SCMH1: variants seen among roughly 807,000 people sequenced by gnomAD.
SCMH1 encodes the protein polycomb protein SCMH1.
In SCMH1, 37 loss-of-function variants were observed where a neutral mutation model predicts 70.8. The observed-to-expected ratio is 0.52, with a 90% confidence interval of 0.40 to 0.69. The LOEUF (loss-of-function observed/expected upper bound fraction) is 0.69. Among genes scored for constraint, SCMH1 ranks in the 30% least tolerant of loss-of-function variants. SCMH1 has a pLI of 0.00. For missense variants in SCMH1, 607 were observed against 827.3 expected, an observed-to-expected ratio of 0.73 and a Z score of 3.27; for synonymous variants, 292 against 307.4, an observed-to-expected ratio of 0.95 and a Z score of 0.52.
intron 4 of SCMH1, among the ~76,000 whole-genome samples, chr1:41,153,435 TTAGCTTAAGTTCTGACTA>T (rs1645246855): frequency 6.6e-6 from 1 of 152,214 alleles, no homozygotes; most frequent in South Asian, 2.1e-4. Flanking sequence ...ACTGCTTATA[TTAGCTTAAGTTCTGACTA>T]AAAGCACCAA....
At chr1:41,080,895 T>C (rs1196356118) in intron 8 of SCMH1, among the ~76,000 whole-genome samples, 1 of 152,152 alleles carries the variant, frequency 6.6e-6, no homozygotes, top group African/African-American at 2.4e-5. Flanking sequence ...CTATTCGACA[T>C]TGTATTGGAG....
intron 1 of SCMH1, among the ~76,000 whole-genome samples, chr1:41,186,625 C>A (rs1242240384): frequency 6.6e-6 from 1 of 152,102 alleles, no homozygotes; most frequent in Admixed American, 6.5e-5. Flanking sequence ...CCCTAACCCC[C>A]AATGTGACTA....
chr1:41,050,900 A>T (rs1009062866), intron 10 of SCMH1, among the ~76,000 whole-genome samples: 4 of 152,218 alleles, frequency 2.6e-5, no homozygotes, highest in Admixed American at 6.5e-5. Flanking sequence ...TTTAAGAAAC[A>T]GGATTTTCAC....
intron 8 of SCMH1, among the ~76,000 whole-genome samples, chr1:41,097,110 G>T (rs1282290400): frequency 4.6e-5 from 7 of 152,172 alleles, no homozygotes; most frequent in Admixed American, 3.9e-4. Flanking sequence ...TAGAAATCAA[G>T]TTAGTTTGTC....
intron 2 of SCMH1, among the ~76,000 whole-genome samples, chr1:41,166,674 C>T (rs1646431559): frequency 6.6e-6 from 1 of 151,662 alleles, no homozygotes; most frequent in African/African-American, 2.4e-5. Flanking sequence ...AGAAATGCTA[C>T]TGACTTTTGT....
intron 4 of SCMH1, chr1:41,159,813 A>G: frequency 6.8e-7 from 1 of 1,477,518 alleles, no homozygotes; most frequent in Non-Finnish European, 9.0e-7. Flanking sequence ...CTTTTAGAGT[A>G]AAGTCTGAGT....
At chr1:41,111,946 T>C (rs80224214) in intron 8 of SCMH1, among the ~76,000 whole-genome samples, 83 of 152,348 alleles carry the variant, frequency 5.4e-4, no homozygotes, top group East Asian at 4.6e-3. Flanking sequence ...TGGATGTATA[T>C]AGATGTCAAA....
intron 10 of SCMH1, among the ~76,000 whole-genome samples, chr1:41,052,105 C>T (rs1292896362): frequency 1.3e-5 from 2 of 152,190 alleles, no homozygotes; most frequent in African/African-American, 4.8e-5. Flanking sequence ...CTGCCTATAG[C>T]ACAGTAACAT....
chr1:41,161,959 C>T (rs79979594), intron 2 of SCMH1, among the ~76,000 whole-genome samples: 7,838 of 152,218 alleles, frequency 0.051, 682 homozygotes, highest in African/African-American at 0.18. Context: ...GTCATCATGC[C>T]GGCTGCAGCA....
chr1:41,222,459 T>C (rs1298075547), intron 1 of SCMH1, among the ~76,000 whole-genome samples: 1 of 152,204 alleles, frequency 6.6e-6, no homozygotes, highest in African/African-American at 2.4e-5. Flanking sequence ...TTTACCTTCA[T>C]ATAGGAAAAA....
At chr1:41,141,816 AAGAG>A (rs1331193079) in intron 6 of SCMH1, among the ~76,000 whole-genome samples, 2 of 149,756 alleles carry the variant, frequency 1.3e-5, no homozygotes, top group Non-Finnish European at 3.0e-5. Flanking sequence ...CTGATTAAAA[AAGAG>A]AGAGACAGAC....
At chr1:41,191,293 T>C (rs1481219068) in intron 1 of SCMH1, among the ~76,000 whole-genome samples, 2 of 152,248 alleles carry the variant, frequency 1.3e-5, no homozygotes, top group Non-Finnish European at 2.9e-5. Flanking sequence ...TAATGAACAA[T>C]GTGTGTCTGC....
At chr1:41,192,861 T>C (rs1024118719) in intron 1 of SCMH1, among the ~76,000 whole-genome samples, 5 of 152,186 alleles carry the variant, frequency 3.3e-5, no homozygotes, top group Admixed American at 6.5e-5. Flanking sequence ...TCTTTTCATA[T>C]CCAAAGCCCA....
chr1:41,126,080 A>G (rs562327172), intron 6 of SCMH1, among the ~76,000 whole-genome samples: 1 of 152,302 alleles, frequency 6.6e-6, no homozygotes, highest in Admixed American at 6.5e-5. Flanking sequence ...TTCAAATCCA[A>G]TACTACAGGG....
chr1:41,081,184 T>C (rs1659905892), intron 8 of SCMH1, among the ~76,000 whole-genome samples: 1 of 152,138 alleles, frequency 6.6e-6, no homozygotes, highest in South Asian at 2.1e-4. Context: ...GGGCAAGACA[T>C]CTACACTGAA....
In SCMH1 at chr1:41,189,576, G is replaced by C. The variant is rs139771799; in HGVS notation, c.-117-3326C>G. Among the ~76,000 whole-genome samples, 16 of 152,276 alleles carry C rather than the reference G, an allele frequency of 1.1e-4. No homozygotes were observed. The East Asian group carries it at 2.3e-3, about 22-fold the overall frequency. ...CTGGAATGATCCACCAGAAGAAGGG[G>C]GAGGAAGGAAACTGGCCAATCTCTT... On this transcript the variant is annotated intron_variant, in intron 1 of 14. Coordinates refer to ENST00000337495, the Ensembl canonical transcript of SCMH1.
chr1:41,078,988 G>A (rs1446375948), intron 8 of SCMH1, among the ~76,000 whole-genome samples: 1 of 152,222 alleles, frequency 6.6e-6, no homozygotes, highest in African/African-American at 2.4e-5. Flanking sequence ...AAAGTGGAGA[G>A]TAAATGGAGC....
chr1:41,113,382 C>T lies in SCMH1; in HGVS notation c.646G>A (p.Gly216Arg). The stretch of plus-strand genomic sequence containing the variant: ...AAGCGGCACCAGTAGTCAAAGGCCC[C>T]TCGCCACCCATCAAAAGTGACAAGC... Residue 216 changes from glycine (G) to arginine (R), a missense_variant, in exon 8 of 15, where the codon GGG (glycine) becomes AGG (arginine). Coordinates refer to ENST00000337495, the Ensembl canonical transcript of SCMH1. This position sits in a 1 kb window ranked among gnomAD's most constrained non-coding sequence, Gnocchi z 4.3. The T allele has an allele frequency of 6.2e-7, 1 of 1,614,024 alleles. No homozygotes were observed. Among genetic ancestry groups the T allele is most frequent in the Non-Finnish European group, 8.5e-7 (1 of 1,179,988 alleles).
chr1:41,063,496 CAATG>C lies in SCMH1; in HGVS notation c.1105+7095_1105+7098del, dbSNP rs780648236. Among the ~76,000 whole-genome samples, 23 of 151,622 alleles carry C rather than the reference CAATG, an allele frequency of 1.5e-4. No homozygotes were observed. In the East Asian group the frequency reaches 3.9e-3, roughly 26 times the overall value. On this transcript the variant is annotated intron_variant, in intron 10 of 14. Coordinates refer to ENST00000337495, the Ensembl canonical transcript of SCMH1. ...TAAAAAATAATAATAATAAAAAAAA[CAATG>C]AAACCAAAAGCTGGTTTGTTGAAAA... is the stretch of plus-strand genomic sequence containing the variant.
Sources: gnomAD v4.1 joint callset for allele counts (sites outside exome capture counted in the v4.1 genomes callset) on GRCh38, gnomAD v4.1.1 for gene constraint, Gnocchi (gnomAD v3.1) non-coding constraint, MANE v1.5 for transcripts, NCBI Gene and HGNC (gene_info 2026-07-23, HGNC 2026-07-21) for gene names.